Variants in VMP1 observed in about 807,000 individuals in gnomAD.
VMP1 encodes vacuole membrane protein 1.
A neutral mutation model predicts 56.0 loss-of-function variants in VMP1; 11 were observed. The ratio of observed to expected loss-of-function variants is 0.20; its 90% confidence interval spans 0.12 to 0.32. The LOEUF (loss-of-function observed/expected upper bound fraction) is 0.32. VMP1 is among the 10% of genes least tolerant of loss of function. The pLI, the probability that VMP1 is intolerant of heterozygous loss-of-function variation, is 1.00. For missense variants in VMP1, 296 were observed against 490.3 expected (o/e 0.60, Z 3.74); for synonymous variants, 149 against 165.0 (o/e 0.90, Z 0.74).
At chr17:59,749,360 A>G (rs1016576811) in intron 5 of VMP1, among the ~76,000 whole-genome samples, 1 of 152,092 alleles carries the variant, frequency 6.6e-6, no homozygotes, top group Admixed American at 6.6e-5. Context: ...GATCTAAGTT[A>G]TACAGAAAAC....
At chr17:59,778,041 T>C (rs2036687328) in intron 7 of VMP1, among the ~76,000 whole-genome samples, 1 of 152,232 alleles carries the variant, frequency 6.6e-6, no homozygotes, top group African/African-American at 2.4e-5. Flanking sequence ...TTTTTGCTTC[T>C]AATATTTATC....
intron 5 of VMP1, among the ~76,000 whole-genome samples, chr17:59,746,496 T>C (rs1334280185): frequency 6.6e-6 from 1 of 152,206 alleles, no homozygotes; most frequent in African/African-American, 2.4e-5. Flanking sequence ...AACTGAAAGG[T>C]TATAACTTGA....
intron 7 of VMP1, among the ~76,000 whole-genome samples, chr17:59,808,506 G>T (rs1011983366): frequency 2.6e-5 from 4 of 152,180 alleles, no homozygotes. Flanking sequence ...TTGGTTCATG[G>T]TTAGTTTACA....
At chr17:59,712,033 C>G (rs2033953176) in intron 1 of VMP1, among the ~76,000 whole-genome samples, 1 of 152,150 alleles carries the variant, frequency 6.6e-6, no homozygotes, top group South Asian at 2.1e-4. Flanking sequence ...TTACTTCTTG[C>G]TATCTCAGTT....
At chr17:59,746,721 A>G (rs1467252406) in intron 5 of VMP1, among the ~76,000 whole-genome samples, 1 of 152,214 alleles carries the variant, frequency 6.6e-6, no homozygotes, top group Non-Finnish European at 1.5e-5. Context: ...ATGCAAGAAT[A>G]GTGGTTGCTA....
intron 1 of VMP1, among the ~76,000 whole-genome samples, chr17:59,728,342 T>G (rs1191206722): frequency 2.0e-5 from 3 of 152,252 alleles, no homozygotes; most frequent in Admixed American, 6.5e-5. Flanking sequence ...AAGTGTTCAG[T>G]TAGTATTTGT....
At chr17:59,749,239 G>A (rs1236432551) in intron 5 of VMP1, among the ~76,000 whole-genome samples, 1 of 151,730 alleles carries the variant, frequency 6.6e-6, no homozygotes, top group African/African-American at 2.4e-5. Context: ...TTACGGGCGT[G>A]AGCCACCATG....
chr17:59,803,021 A>G (rs892713453), intron 7 of VMP1, among the ~76,000 whole-genome samples: 1 of 152,244 alleles, frequency 6.6e-6, no homozygotes, highest in Non-Finnish European at 1.5e-5. Flanking sequence ...CTGGGATTAC[A>G]GGCATGAGCC....
In VMP1 at chr17:59,838,391, A is replaced by T. The variant is rs1297809198; in HGVS notation, c.1071A>T (p.Thr357=). ...QKLHHKSEMG[T]PQGENWLSWM... ...TTCACCACAAAAGCGAAATGGGCACACCACAGGTAAGACTTTAATCCGGTT... is the reference window on the plus strand; with the variant it reads ...TTCACCACAAAAGCGAAATGGGCACTCCACAGGTAAGACTTTAATCCGGTT... The change falls in exon 11 of 12, where the codon ACA becomes ACT. Residue 357 remains threonine (T), a synonymous_variant. Transcript: ENST00000262291. 1.2e-6 allele frequency: 2 copies of T among 1,614,012 alleles called. No homozygotes were observed. The highest frequency in any genetic ancestry group is 1.3e-5 in the African/African-American group (1 of 74,922).
At position 59,731,197 on chromosome 17, in the gene VMP1, A is replaced by T. The variant is rs1269365879; in HGVS notation, c.-26-224A>T. On this transcript the variant is annotated intron_variant, in intron 1 of 11. Transcript: ENST00000262291. ...CTACTAGGAAAAGGTTTACAACTAT[A>T]TGGCTTTTATATTTTTACTATTTGT... is the stretch of plus-strand genomic sequence containing the variant. 2.6e-5 allele frequency among the ~76,000 whole-genome samples: 4 copies of T among 152,192 alleles called. No homozygotes were observed. The East Asian group carries it at 7.7e-4, about 29-fold the overall frequency.
At chr17:59,732,829 G>C (rs571897106) in intron 2 of VMP1, among the ~76,000 whole-genome samples, 1 of 152,018 alleles carries the variant, frequency 6.6e-6, no homozygotes, top group Non-Finnish European at 1.5e-5. Context: ...TCTGTACCAG[G>C]TGTTTTTTAA....
intron 7 of VMP1, among the ~76,000 whole-genome samples, chr17:59,783,001 C>G (rs1270058237): frequency 6.6e-6 from 1 of 152,222 alleles, no homozygotes; most frequent in African/African-American, 2.4e-5. Context: ...CGAGACCATC[C>G]TGGCTGACAT....
In VMP1 at chr17:59,732,154, C is replaced by A. The variant is rs551951548; in HGVS notation, c.76+632C>A. Reference sequence around the variant, plus strand: ...ATTGTTTGACATCTCAAACACATGGCAAATAATACTCTAGTGTGGTAATAT... The same window carrying A: ...ATTGTTTGACATCTCAAACACATGGAAAATAATACTCTAGTGTGGTAATAT... On this transcript the variant is annotated intron_variant, in intron 2 of 11. Transcript: ENST00000262291. Among the ~76,000 whole-genome samples the A allele has an allele frequency of 4.6e-5, 7 of 152,182 alleles. No homozygotes were observed. In the East Asian group the frequency reaches 1.3e-3, roughly 29 times the overall value.
intron 5 of VMP1, among the ~76,000 whole-genome samples, chr17:59,741,616 T>A (rs2035227963): frequency 6.6e-6 from 1 of 152,192 alleles, no homozygotes; most frequent in Non-Finnish European, 1.5e-5. Flanking sequence ...TTTAATATAT[T>A]TTATGTGTAT....
At chr17:59,817,937 T>C (rs1003329846) in intron 10 of VMP1, among the ~76,000 whole-genome samples, 164 bp downstream of exon 10, 2 of 152,164 alleles carry the variant, frequency 1.3e-5, no homozygotes, top group African/African-American at 4.8e-5. Flanking sequence ...TCTTGTTCTA[T>C]AGTAGGGAAA....
chr17:59,754,700 A>C lies in VMP1; in HGVS notation c.415-10271A>C, dbSNP rs546465062. Reference sequence around the variant, plus strand: ...ACCAACAGACCCTTCTTAGAAAAAAATCTATTTGCCTTTTGTTTGATGAAG... The same window carrying C: ...ACCAACAGACCCTTCTTAGAAAAAACTCTATTTGCCTTTTGTTTGATGAAG... On this transcript the variant is annotated intron_variant, in intron 5 of 11. Transcript: ENST00000262291. Among the ~76,000 whole-genome samples the C allele has an allele frequency of 3.9e-5, 6 of 152,262 alleles. No homozygotes were observed. The South Asian group carries it at 1.2e-3, about 32-fold the overall frequency.
intron 1 of VMP1, among the ~76,000 whole-genome samples, chr17:59,728,432 C>T (rs371509885): frequency 6.6e-6 from 1 of 151,214 alleles, no homozygotes; most frequent in African/African-American, 2.5e-5. Context: ...AATATAACCC[C>T]CTAACTCATA....
At chr17:59,715,993 T>G (rs996869072) in intron 1 of VMP1, among the ~76,000 whole-genome samples, 1 of 152,172 alleles carries the variant, frequency 6.6e-6, no homozygotes, top group Admixed American at 6.5e-5. Context: ...ATTTTTTTTT[T>G]GTACTAAAGG....
At chr17:59,709,897 A>G (rs1318828888) in intron 1 of VMP1, among the ~76,000 whole-genome samples, 1 of 152,202 alleles carries the variant, frequency 6.6e-6, no homozygotes, top group Non-Finnish European at 1.5e-5. Context: ...CTTACATTAA[A>G]TAAGAAACCT....
Sources: allele counts gnomAD v4.1 joint callset (sites outside exome capture counted in the v4.1 genomes callset), GRCh38; gene constraint gnomAD v4.1.1; transcripts MANE v1.5; gene names NCBI Gene and HGNC (gene_info 2026-07-23, HGNC 2026-07-21).